LRBA: variants seen among roughly 807,000 people sequenced by gnomAD.
LRBA encodes the protein LPS responsive beige-like anchor protein.
Under a neutral mutation model 330.0 loss-of-function variants are expected in LRBA, and 176 were observed. The ratio of observed to expected loss-of-function variants is 0.53; its 90% CI spans 0.47 to 0.60. The LOEUF is 0.60. Among genes scored for constraint, LRBA ranks in the 20% least tolerant of loss-of-function variants. LRBA has a pLI of 0.00. For synonymous variants in LRBA, 1,230 were observed against 1,193.0 expected, an observed-to-expected ratio of 1.03 and a Z score of -0.64; for missense variants, 3,259 against 3,444.8, an observed-to-expected ratio of 0.95 and a Z score of 1.35.
intron 36 of LRBA, among the ~76,000 whole-genome samples, chr4:150,686,696 T>C (rs1422801203): frequency 6.6e-6 from 1 of 152,132 alleles, no homozygotes; most frequent in Non-Finnish European, 1.5e-5. Flanking sequence ...GAAATTCAAA[T>C]CTACTGATGA....
At chr4:150,708,940 G>T (rs528143326) in intron 36 of LRBA, among the ~76,000 whole-genome samples, 2 of 151,818 alleles carry the variant, frequency 1.3e-5, no homozygotes, top group South Asian at 4.1e-4. Flanking sequence ...TTTAACACAG[G>T]TTAAATTTCT....
At chr4:150,396,729 G>A (rs1393317100) in intron 47 of LRBA, among the ~76,000 whole-genome samples, 1 of 152,014 alleles carries the variant, frequency 6.6e-6, no homozygotes, top group Non-Finnish European at 1.5e-5. Context: ...CCTTTCCCAG[G>A]TACTGACACT....
chr4:150,645,623 C>T (rs1779055674), intron 37 of LRBA, among the ~76,000 whole-genome samples: 1 of 151,756 alleles, frequency 6.6e-6, no homozygotes, highest in Non-Finnish European at 1.5e-5. Context: ...ACTAATTAAC[C>T]TATAATGTAA....
chr4:150,347,927 ACT>A (rs1736615311), intron 48 of LRBA, among the ~76,000 whole-genome samples: 1 of 148,102 alleles, frequency 6.8e-6, no homozygotes, highest in African/African-American at 2.4e-5. Context: ...AAGTCTTCTA[ACT>A]CTCTGCTGTA....
At chr4:150,427,868 ATGT>A (rs982458908) in intron 46 of LRBA, among the ~76,000 whole-genome samples, 1 of 151,988 alleles carries the variant, frequency 6.6e-6, no homozygotes, top group Admixed American at 6.6e-5. Context: ...AACGGGCCTA[ATGT>A]TGATGATATC....
chr4:150,396,573 T>A (rs534004719), intron 47 of LRBA, among the ~76,000 whole-genome samples: 1 of 152,026 alleles, frequency 6.6e-6, no homozygotes, highest in East Asian at 1.9e-4. Flanking sequence ...AGCTGGCATA[T>A]AAAATTAACC....
At chr4:150,649,625 C>T (rs2126762850) in intron 37 of LRBA, among the ~76,000 whole-genome samples, 1 of 152,216 alleles carries the variant, frequency 6.6e-6, no homozygotes, top group East Asian at 1.9e-4. Context: ...ACCTTTAAAC[C>T]TGCATTATAC....
chr4:150,703,791 A>G (rs1015403856), intron 36 of LRBA, among the ~76,000 whole-genome samples: 1 of 152,142 alleles, frequency 6.6e-6, no homozygotes, highest in Non-Finnish European at 1.5e-5. Context: ...TAAAAATTAC[A>G]TGTAAAATGT....
chr4:150,811,783 G>A (rs900482669), intron 31 of LRBA, among the ~76,000 whole-genome samples: 2 of 152,088 alleles, frequency 1.3e-5, no homozygotes, highest in African/African-American at 4.8e-5. Context: ...GGGACTACAG[G>A]TGTAAATCAC....
intron 36 of LRBA, among the ~76,000 whole-genome samples, chr4:150,720,408 T>C (rs909922588): frequency 6.6e-6 from 1 of 151,458 alleles, no homozygotes; most frequent in African/African-American, 2.4e-5. Context: ...CAAAATAAAG[T>C]GACTAAGGAA....
At chr4:150,469,956 G>C (rs1331971716) in intron 43 of LRBA, among the ~76,000 whole-genome samples, 3 of 152,128 alleles carry the variant, frequency 2.0e-5, no homozygotes, top group Non-Finnish European at 4.4e-5. Flanking sequence ...GTAGAGGCGG[G>C]CAGATAACCT....
In LRBA at chr4:150,628,466, G is replaced by C. The variant is rs79195724; in HGVS notation, c.5922-29335C>G. Among the ~76,000 whole-genome samples the C allele has an allele frequency of 2.0e-3, 311 of 152,238 alleles. 2 individuals carry two copies. Among genetic ancestry groups the C allele is most frequent in the African/African-American group, 7.2e-3 (301 of 41,546 alleles). On this transcript the variant is annotated intron_variant, in intron 37 of 56. Transcript: ENST00000651943. ...TAAAATTAACTTTCACGAATAATGA[G>C]TTTTAAACCTCAGATAATGTATATG...
At chr4:150,406,902 T>C (rs1201428394) in intron 47 of LRBA, among the ~76,000 whole-genome samples, 1 of 152,168 alleles carries the variant, frequency 6.6e-6, no homozygotes, top group African/African-American at 2.4e-5. Context: ...TGCCTCAGCC[T>C]CCCGAGTAGC....
At chr4:150,827,481 CTT>C (rs979997936) in intron 30 of LRBA, among the ~76,000 whole-genome samples, 2 of 152,170 alleles carry the variant, frequency 1.3e-5, no homozygotes, top group Admixed American at 1.3e-4. Context: ...AAATCAACCT[CTT>C]CTCTTCCTCC....
intron 35 of LRBA, among the ~76,000 whole-genome samples, chr4:150,757,266 C>T (rs1734439069): frequency 2.0e-5 from 3 of 152,094 alleles, no homozygotes; most frequent in African/African-American, 7.2e-5. Context: ...ATCAGCAAAT[C>T]ACTATAAATT....
At chr4:150,548,428 T>C (rs1322026492) in intron 40 of LRBA, among the ~76,000 whole-genome samples, 2 of 152,114 alleles carry the variant, frequency 1.3e-5, no homozygotes, top group African/African-American at 4.8e-5. Context: ...TAAAATGAAA[T>C]CCAGAATGTA....
intron 40 of LRBA, among the ~76,000 whole-genome samples, chr4:150,491,541 G>A (rs751237492): frequency 2.6e-4 from 39 of 151,984 alleles, no homozygotes; most frequent in Admixed American, 7.9e-4. Flanking sequence ...TCACTGTTAA[G>A]GCAACAGTCA....
chr4:150,282,556 G>A lies in LRBA; in HGVS notation c.8210C>T (p.Ala2737Val). The A allele has an allele frequency of 6.2e-7, 1 of 1,614,010 alleles. No individual in the cohort carries two copies. Residue 2737 changes from alanine to valine, a missense_variant, in exon 55 of 57, where the codon GCT (alanine) becomes GTT (valine). By Grantham distance (64) the Ala-to-Val change is moderately conservative. Coordinates refer to ENST00000651943, the MANE Select transcript of LRBA (RefSeq NM_001364905.1). ...ENCLKPKLIQ[A>V]SREGHCVIFY... is the part of the protein sequence containing the mutation. Reference sequence around the variant, plus strand: ...TATGACACAATGACCCTCTCTTGAAGCCTGAATGAGTTTTGGTTTCAGGCA... The same window carrying A: ...TATGACACAATGACCCTCTCTTGAAACCTGAATGAGTTTTGGTTTCAGGCA...
At chr4:151,003,863 T>C (rs1470422620) in intron 2 of LRBA, among the ~76,000 whole-genome samples, 1 of 150,994 alleles carries the variant, frequency 6.6e-6, no homozygotes, top group Non-Finnish European at 1.5e-5. Context: ...CAGAAATGAA[T>C]ATGTGTATCT....
Sources: allele counts gnomAD v4.1 joint callset (sites outside exome capture counted in the v4.1 genomes callset), GRCh38; gene constraint gnomAD v4.1.1; transcripts MANE v1.5; gene names NCBI Gene and HGNC (gene_info 2026-07-23, HGNC 2026-07-21).